CREB5: variants seen among roughly 807,000 people sequenced by gnomAD.
CREB5 encodes the protein cyclic AMP-responsive element-binding protein 5.
Under a neutral mutation model 57.1 loss-of-function variants are expected in CREB5, and 19 were observed. The ratio of observed to expected loss-of-function variants is 0.33; its 90% CI spans 0.23 to 0.49. The LOEUF (loss-of-function observed/expected upper bound fraction) is 0.49. CREB5 is among the 20% of genes least tolerant of loss of function. CREB5 has a pLI of 0.99. For missense variants in CREB5, 579 were observed against 671.6 expected (o/e 0.86, Z 1.52); for synonymous variants, 238 against 238.3 (o/e 1.00, Z 0.01).
At chr7:28,386,055 C>T (rs907088891) in intron 1 of CREB5, among the ~76,000 whole-genome samples, 3 of 152,114 alleles carry the variant, frequency 2.0e-5, no homozygotes, top group Non-Finnish European at 4.4e-5. Context: ...TTGGGGCAAC[C>T]TTTTTTCACA....
chr7:28,752,542 G>A (rs17157127), intron 7 of CREB5, among the ~76,000 whole-genome samples: 5,176 of 152,168 alleles, frequency 0.034, 153 homozygotes, highest in South Asian at 0.078. Flanking sequence ...GAAAATCTTC[G>A]CATGGAAACC....
At chr7:28,506,276 G>A (rs1032935073) in intron 3 of CREB5, among the ~76,000 whole-genome samples, 21 of 152,166 alleles carry the variant, frequency 1.4e-4, no homozygotes, top group African/African-American at 3.9e-4. Flanking sequence ...GTATGATTTA[G>A]AAAAGTAAAT....
chr7:28,683,760 C>G (rs964884936), intron 5 of CREB5, among the ~76,000 whole-genome samples: 4 of 152,176 alleles, frequency 2.6e-5, no homozygotes, highest in Non-Finnish European at 4.4e-5. Flanking sequence ...ATCTTTACAT[C>G]ACCTCTATTT....
In CREB5 at chr7:28,690,597, T is replaced by C. The variant is rs546628844; in HGVS notation, c.465-28156T>C. On this transcript the variant is annotated intron_variant, in intron 5 of 10. Coordinates refer to ENST00000357727, the MANE Select transcript of CREB5 (RefSeq NM_182898.4). ...CCTCACTGTGCCACAGTTCCTACCT[T>C]CTCTGTGAATTGTGGATAACCAGAC... 2.0e-5 allele frequency among the ~76,000 whole-genome samples: 3 copies of C among 152,246 alleles called. No individual in the cohort carries two copies. In the South Asian group the frequency reaches 6.2e-4, roughly 32 times the overall value.
intron 7 of CREB5, among the ~76,000 whole-genome samples, chr7:28,768,195 T>C (rs1167246245): frequency 5.9e-5 from 9 of 152,126 alleles, no homozygotes; most frequent in African/African-American, 2.2e-4. Flanking sequence ...GAAGGGACCT[T>C]CTTCTGTTTC....
At chr7:28,481,245 A>G (rs1308855445) in intron 1 of CREB5, among the ~76,000 whole-genome samples, 1 of 152,230 alleles carries the variant, frequency 6.6e-6, no homozygotes, top group African/African-American at 2.4e-5. Context: ...CTCTAAGCAT[A>G]ATATAAAGTG....
intron 5 of CREB5, among the ~76,000 whole-genome samples, chr7:28,706,128 G>T (rs760429870): frequency 3.9e-5 from 6 of 152,218 alleles, no homozygotes; most frequent in Non-Finnish European, 7.3e-5. Flanking sequence ...GCCGAGGCGG[G>T]TAGATCACCT....
intron 5 of CREB5, among the ~76,000 whole-genome samples, chr7:28,659,551 G>A (rs565197455): frequency 6.6e-6 from 1 of 152,250 alleles, no homozygotes; most frequent in Non-Finnish European, 1.5e-5. Flanking sequence ...TTGGCAGAAG[G>A]AGCTGGAAAA....
At chr7:28,377,782 A>T (rs1387116517) in intron 1 of CREB5, among the ~76,000 whole-genome samples, 1 of 151,842 alleles carries the variant, frequency 6.6e-6, no homozygotes, top group Non-Finnish European at 1.5e-5. Flanking sequence ...ACAAAAAAAA[A>T]TTAGCTGGGC....
chr7:28,621,626 ACCCCG>A (rs1275603722), intron 5 of CREB5, among the ~76,000 whole-genome samples: 3 of 151,988 alleles, frequency 2.0e-5, no homozygotes, highest in Non-Finnish European at 2.9e-5. Flanking sequence ...ATAGAATTCA[ACCCCG>A]TTCATTTAAA....
At chr7:28,626,105 C>T (rs920728049) in intron 5 of CREB5, among the ~76,000 whole-genome samples, 3 of 152,046 alleles carry the variant, frequency 2.0e-5, no homozygotes, top group Non-Finnish European at 4.4e-5. Context: ...TTATATTTAA[C>T]GTATGTATTA....
intron 4 of CREB5, among the ~76,000 whole-genome samples, chr7:28,560,837 T>TGCGCGCGCGCGTGCGC (rs1562797074): frequency 1.1e-5 from 1 of 92,238 alleles, no homozygotes. Flanking sequence ...CGCGCGCGTG[T>TGCGCGCGCGCGTGCGC]GTGTGTGCGC....
chr7:28,669,094 T>A (rs1439769756), intron 5 of CREB5, among the ~76,000 whole-genome samples: 1 of 152,190 alleles, frequency 6.6e-6, no homozygotes, highest in African/African-American at 2.4e-5. Flanking sequence ...ACATTTGATA[T>A]GGGTCTCATA....
intron 5 of CREB5, among the ~76,000 whole-genome samples, chr7:28,710,146 G>A (rs768365109): frequency 2.6e-4 from 39 of 152,288 alleles, no homozygotes; most frequent in Middle Eastern, 3.4e-3. Flanking sequence ...TTTAAGGGGT[G>A]TTGATAAAAA....
At chr7:28,796,486 A>G (rs1200200272) in intron 7 of CREB5, among the ~76,000 whole-genome samples, 1 of 152,156 alleles carries the variant, frequency 6.6e-6, no homozygotes, top group Non-Finnish European at 1.5e-5. Flanking sequence ...ACTCAGTTCC[A>G]TCGACTCTGC....
chr7:28,474,593 C>T (rs960534502), intron 1 of CREB5, among the ~76,000 whole-genome samples: 15 of 152,028 alleles, frequency 9.9e-5, no homozygotes, highest in African/African-American at 2.9e-4. Flanking sequence ...CAGTAGAGGA[C>T]GGATGAGGAA....
At chr7:28,421,815 A>T (rs1271981552) in intron 1 of CREB5, among the ~76,000 whole-genome samples, 1 of 148,132 alleles carries the variant, frequency 6.8e-6, no homozygotes, top group Non-Finnish European at 1.5e-5. Flanking sequence ...CACCATATAT[A>T]TAGTGTGCAT....
At chr7:28,710,697 A>G (rs1403379355) in intron 5 of CREB5, among the ~76,000 whole-genome samples, 1 of 152,206 alleles carries the variant, frequency 6.6e-6, no homozygotes, top group African/African-American at 2.4e-5. Context: ...TACAGAACAC[A>G]TTTAATTTAT....
intron 4 of CREB5, among the ~76,000 whole-genome samples, chr7:28,564,491 T>G (rs1180430429): frequency 1.3e-5 from 2 of 152,220 alleles, no homozygotes; most frequent in Non-Finnish European, 2.9e-5. Context: ...AGCCCATGCA[T>G]GCAGAAAGAC....
Sources: gnomAD v4.1 joint callset for allele counts (sites outside exome capture counted in the v4.1 genomes callset) on GRCh38, gnomAD v4.1.1 for gene constraint, MANE v1.5 for transcripts, NCBI Gene and HGNC (gene_info 2026-07-23, HGNC 2026-07-21) for gene names.